The following AP2A1 variants were observed in gnomAD, a reference collection of about 807,000 sequenced individuals.
AP2A1 encodes the protein adaptor related protein complex 2 subunit alpha 1.
A neutral mutation model predicts 107.3 loss-of-function variants in AP2A1; 21 were observed. The observed-to-expected ratio is 0.20, with a 90% CI of 0.14 to 0.28. AP2A1 has a LOEUF of 0.28. AP2A1 is among the 10% of genes least tolerant of loss of function. The pLI, the probability that AP2A1 is intolerant of heterozygous loss-of-function variation, is 1.00. For synonymous variants in AP2A1, 602 were observed against 564.8 expected, an observed-to-expected ratio of 1.07 and a Z score of -0.93; for missense variants, 873 against 1,307.7, an observed-to-expected ratio of 0.67 and a Z score of 5.13.
intron 1 of AP2A1, 83 bp downstream of exon 1, chr19:49,767,283 C>A (rs1009926855): frequency 2.6e-6 from 4 of 1,534,426 alleles, no homozygotes; most frequent in Admixed American, 1.7e-5. Context: ...CAGAGGGACC[C>A]GGGGGATCAA....
rs574015802 is a variant in AP2A1 at position 49,805,872 on chromosome 19, C to T, written c.2586C>T (p.Leu862=). 3 of 1,613,678 alleles carry T rather than the reference C, an allele frequency of 1.9e-6. No individual in the cohort carries two copies. Among genetic ancestry groups the T allele is most frequent in the African/African-American group, 1.3e-5 (1 of 74,942 alleles). ...TGACTTGAACCTTCCCGGTCCCCAG[C>T]CCTCAACAGGAGGCGCAGAAAATCT... ...DFFQRWKQLS[L]PQQEAQKIFK... The change falls in exon 21 of 23, where the codon CTC becomes CTT. Residue 862 remains leucine (L), a splice_region_variant and synonymous_variant. Coordinates refer to ENST00000354293, the MANE Select transcript of AP2A1 (RefSeq NM_130787.3).
intron 1 of AP2A1, among the ~76,000 whole-genome samples, chr19:49,776,126 C>A (rs1386995070): frequency 6.6e-6 from 1 of 152,138 alleles, no homozygotes; most frequent in Non-Finnish European, 1.5e-5. Flanking sequence ...CCCATGGCCC[C>A]CCCCAGCACC....
At chr19:49,800,359 A>G (rs2073262870) in intron 11 of AP2A1, among the ~76,000 whole-genome samples, 1 of 152,070 alleles carries the variant, frequency 6.6e-6, no homozygotes, top group South Asian at 2.1e-4. Flanking sequence ...TCCCCAGGGC[A>G]TGGGCATGGG....
Position 49,802,003 on chromosome 19 carries a change from A to G in AP2A1, c.1976A>G (p.Asp659Gly). ...CAGTCGACGCCCTCGCCCTCCGCCG[A>G]CCTCCTGGGGCTGCGGGCAGCCCCT... is the stretch of plus-strand genomic sequence containing the variant. ...STVSTPSPSA[D>G]LLGLRAAPPP... The change falls in exon 15 of 23, where the codon GAC becomes GGC. Residue 659 changes from aspartate (D) to glycine (G), a missense_variant. Around this residue, in one of 4 missense-constraint regions of AP2A1, gnomAD observed 416 missense variants for 473.4 expected, o/e 0.88. Coordinates refer to ENST00000354293, the MANE Select transcript of AP2A1 (RefSeq NM_130787.3). 3 of 1,536,292 alleles carry G rather than the reference A, an allele frequency of 2.0e-6. No homozygotes were observed. Among genetic ancestry groups the G allele is most frequent in the Non-Finnish European group, 2.6e-6 (3 of 1,146,832 alleles).
In AP2A1 at chr19:49,806,808, G is replaced by C. The variant is rs2073402487; in HGVS notation, c.*50G>C. 1 of 1,610,816 alleles carries C rather than the reference G, an allele frequency of 6.2e-7. No homozygotes were observed. Among genetic ancestry groups the C allele is most frequent in the South Asian group, 1.1e-5 (1 of 90,778 alleles). On this transcript the variant is annotated 3_prime_UTR_variant, in exon 23 of 23. Transcript: ENST00000354293. ...GTGGCCGGCACTGGGCAGCCCCTTG[G>C]ACTGAGGCAGTTTTGGTGGATGGGG...
intron 4 of AP2A1, among the ~76,000 whole-genome samples, chr19:49,787,203 A>G (rs911762680): frequency 6.1e-5 from 9 of 148,604 alleles, no homozygotes; most frequent in African/African-American, 2.2e-4. Flanking sequence ...TTTTGTAGAG[A>G]TGGGGTTTTG....
Position 49,803,150 on chromosome 19 carries a change from C to T in AP2A1, c.2215C>T (p.Leu739=). 1 of 1,614,020 alleles carries T rather than the reference C, an allele frequency of 6.2e-7. No individual in the cohort carries two copies. Among genetic ancestry groups the T allele is most frequent in the East Asian group, 2.2e-5 (1 of 44,884 alleles). Residue 739 remains leucine (L), a synonymous_variant, in exon 17 of 23, where the codon CTG becomes TTG. Coordinates refer to ENST00000354293, the MANE Select transcript of AP2A1 (RefSeq NM_130787.3). ...CGGGGTCCTGTTCGAGAACCAGCTG[C>T]TGCAGATCGGAGTCAAGTCAGAGTT... The part of the protein sequence containing the change: ...NNGVLFENQL[L]QIGVKSEFRQ...
At chr19:49,799,940 C>T (rs1387543360) in intron 10 of AP2A1, 28 bp from the exon 11 acceptor site, 3 of 1,607,404 alleles carry the variant, frequency 1.9e-6, no homozygotes, top group African/African-American at 2.7e-5. Flanking sequence ...GCCTGCGGCA[C>T]ACTCTCTCTC....
chr19:49,795,586 C>CCCCCCCCCCCCCCCCCCACAAA, intron 6 of AP2A1, 44 bp from the exon 7 acceptor site: 1 of 727,796 alleles, frequency 1.4e-6, no homozygotes, highest in Non-Finnish European at 2.5e-6. Flanking sequence ...CCACGTGCCC[C>CCCCCCCCCCCCCCCCCCACAAA]TCCCACCCCA....
intron 11 of AP2A1, among the ~76,000 whole-genome samples, 168 bp downstream of exon 11, chr19:49,800,318 G>C (rs376360096): frequency 8.5e-5 from 13 of 152,218 alleles, no homozygotes; most frequent in African/African-American, 3.1e-4. Flanking sequence ...GGGGACCCAG[G>C]GCTATGGTCT....
At chr19:49,772,224 A>T (rs750257003) in intron 1 of AP2A1, among the ~76,000 whole-genome samples, 200 of 130,392 alleles carry the variant, frequency 1.5e-3, no homozygotes, top group Non-Finnish European at 2.6e-3. Context: ...TGCCCAGCAA[A>T]TTTTTTTGTA....
At position 49,806,979 on chromosome 19, in the gene AP2A1, C is replaced by CCCCG; in HGVS notation, c.*221_*222insCCCG. Reference sequence around the variant, plus strand: ...AGTCCCCCTCCCTCCCTTTCCCCCCCAAGCACAGAGGGGAGAGGGGCCAGG... The same window carrying CCCCG: ...AGTCCCCCTCCCTCCCTTTCCCCCCCCCCGAAGCACAGAGGGGAGAGGGGCCAGG... On this transcript the variant is annotated 3_prime_UTR_variant, in exon 23 of 23. Coordinates refer to ENST00000354293, the MANE Select transcript of AP2A1 (RefSeq NM_130787.3). The CCCCG allele has an allele frequency of 6.5e-7, 1 of 1,530,264 alleles. No individual in the cohort carries two copies. The highest frequency in any genetic ancestry group is 8.7e-7 in the Non-Finnish European group (1 of 1,144,272). The allele number at this position is 1,530,264 out of a possible 1,614,324, so 94.8% of individuals were successfully genotyped here. A position where few individuals can be genotyped will look rare whatever the true frequency, so the allele number is the denominator to read the frequency against.
intron 1 of AP2A1, among the ~76,000 whole-genome samples, chr19:49,770,597 A>G (rs865819261): frequency 1.4e-4 from 22 of 152,192 alleles, no homozygotes; most frequent in Admixed American, 1.3e-4. Context: ...CCATCAACTG[A>G]GAAATAAAGT....
intron 7 of AP2A1, chr19:49,795,964 G>A: frequency 1.8e-6 from 1 of 552,920 alleles, no homozygotes; most frequent in Non-Finnish European, 3.2e-6. Context: ...TCATAGCTGA[G>A]GTCCCTGCTA....
rs2073282781 is a variant in AP2A1, at chr19:49,801,728, G to A, written c.1792G>A (p.Val598Met). 1 of 1,529,824 alleles carries A rather than the reference G, an allele frequency of 6.5e-7. No homozygotes were observed. Among genetic ancestry groups the A allele is most frequent in the South Asian group, 1.2e-5 (1 of 83,904 alleles). 94.8% of individuals were successfully genotyped at this position (1,529,824 alleles called of 1,614,324 possible). The change falls in exon 14 of 23, where the codon GTG becomes ATG. Residue 598 changes from valine to methionine, a missense_variant. Physicochemically the swap from Val to Met is conservative, Grantham distance 21 (BLOSUM62 1). Transcript: ENST00000354293. ...SVASTDVLATVLEEMPPFPER... is the reference protein window; with the variant it reads ...SVASTDVLATMLEEMPPFPER... ...CCCACCCCGACCGCGCCAGGCCACGGTGCTGGAGGAGATGCCGCCCTTCCC... is the reference window on the plus strand; with the variant it reads ...CCCACCCCGACCGCGCCAGGCCACGATGCTGGAGGAGATGCCGCCCTTCCC...
chr19:49,786,007 G>T (rs879856201), intron 4 of AP2A1, among the ~76,000 whole-genome samples: 5 of 152,096 alleles, frequency 3.3e-5, no homozygotes, highest in South Asian at 2.1e-4. Context: ...ATAAACCCGG[G>T]GGGCAGAGGT....
In AP2A1 at chr19:49,803,047, C is replaced by G. The variant is rs749057979; in HGVS notation, c.2171+42C>G. The stretch of plus-strand genomic sequence containing the variant: ...GTGGGGGAGGGGAACGGGACAGGTG[C>G]GGAGCCCAGGCCAGGTGCAGACAGG... On this transcript the variant is annotated intron_variant, in intron 16 of 22. Coordinates refer to ENST00000354293, the MANE Select transcript of AP2A1 (RefSeq NM_130787.3). 66 of 1,613,458 alleles carry G rather than the reference C, an allele frequency of 4.1e-5. No individual in the cohort carries two copies. In the South Asian group the frequency reaches 6.1e-4, roughly 15 times the overall value.
Position 49,801,762 on chromosome 19 carries a change from AGTC to A in AP2A1, c.1830_1832del (p.Ser611del). 1.9e-6 allele frequency: 3 copies of A among 1,567,812 alleles called. No homozygotes were observed. Among genetic ancestry groups the A allele is most frequent in the Non-Finnish European group, 2.6e-6 (3 of 1,159,058 alleles). On this transcript the variant is annotated inframe_deletion, in exon 14 of 23. Transcript: ENST00000354293. ...GAGATGCCGCCCTTCCCCGAGCGCG[AGTC>A]GTCCATCCTGGCCAAGCTGAAACGC... is the stretch of plus-strand genomic sequence containing the variant.
At chr19:49,789,492 T>C (rs1461556996) in intron 4 of AP2A1, among the ~76,000 whole-genome samples, 1 of 151,928 alleles carries the variant, frequency 6.6e-6, no homozygotes, top group Non-Finnish European at 1.5e-5. Flanking sequence ...GGTTTCACCA[T>C]GTTGGCCAGG....
Sources: gnomAD v4.1 joint callset for allele counts (sites outside exome capture counted in the v4.1 genomes callset) on GRCh38, gnomAD v4.1.1 for gene constraint, gnomAD v4.1.1 regional missense constraint, MANE v1.5 for transcripts, NCBI Gene and HGNC (gene_info 2026-07-23, HGNC 2026-07-21) for gene names.